Variants in ELAVL2 observed in about 807,000 individuals in gnomAD.
The protein encoded by ELAVL2 is ELAV-like protein 2.
In ELAVL2, 4 loss-of-function variants were observed where a neutral mutation model predicts 34.6. The observed-to-expected ratio is 0.12, with a 90% CI of 0.06 to 0.26. The LOEUF (loss-of-function observed/expected upper bound fraction) is 0.26, where lower values mean the gene tolerates loss of function less well. Among genes scored for constraint, ELAVL2 ranks in the 10% least tolerant of loss-of-function variants. ELAVL2 has a pLI of 1.00. For synonymous variants in ELAVL2, 193 were observed against 154.8 expected (o/e 1.25, Z -1.83); for missense variants, 432 against 442.8 (o/e 0.98, Z 0.22).
At chr9:23,791,243 G>A (rs759735626) in intron 1 of ELAVL2, among the ~76,000 whole-genome samples, 7 of 152,180 alleles carry the variant, frequency 4.6e-5, no homozygotes, top group Admixed American at 2.6e-4. Context: ...AATGCTAATC[G>A]CAGGGGTGGG....
At chr9:23,786,510 TA>T (rs11410592) in intron 1 of ELAVL2, among the ~76,000 whole-genome samples, 19 of 148,866 alleles carry the variant, frequency 1.3e-4, no homozygotes, top group African/African-American at 1.7e-4. Context: ...TTTCACACTT[TA>T]AAAAAAAAAT....
At chr9:23,823,353 C>T (rs548226410) in intron 1 of ELAVL2, among the ~76,000 whole-genome samples, 10 of 152,308 alleles carry the variant, frequency 6.6e-5, no homozygotes, top group East Asian at 3.9e-4. Context: ...TCTTAGAATG[C>T]CCTACGCCCT....
chr9:23,768,180 C>G (rs542621998), intron 1 of ELAVL2, among the ~76,000 whole-genome samples: 2 of 152,302 alleles, frequency 1.3e-5, no homozygotes, highest in African/African-American at 4.8e-5. Context: ...AAATCCTGTA[C>G]AACTACTTTT....
chr9:23,723,861 G>C (rs1232942631), intron 3 of ELAVL2, among the ~76,000 whole-genome samples: 1 of 152,080 alleles, frequency 6.6e-6, no homozygotes, highest in East Asian at 1.9e-4. Flanking sequence ...CCCACCACAT[G>C]CCCCTTTCAA....
At chr9:23,819,210 T>C (rs1269908314) in intron 1 of ELAVL2, among the ~76,000 whole-genome samples, 2 of 152,184 alleles carry the variant, frequency 1.3e-5, no homozygotes, top group African/African-American at 2.4e-5. Context: ...CAAGGAATGA[T>C]GGTATATGAC....
At chr9:23,722,017 T>C (rs1402212856) in intron 3 of ELAVL2, among the ~76,000 whole-genome samples, 3 of 152,192 alleles carry the variant, frequency 2.0e-5, no homozygotes, top group Non-Finnish European at 4.4e-5. Context: ...GTGTCAACTG[T>C]ACAGCTCTGT....
chr9:23,765,005 A>G, intron 1 of ELAVL2: 1 of 1,609,438 alleles, frequency 6.2e-7, no homozygotes, highest in Non-Finnish European at 8.5e-7. Flanking sequence ...AAAATCCCAC[A>G]GACCCCGGTC....
intron 1 of ELAVL2, among the ~76,000 whole-genome samples, chr9:23,797,302 C>T (rs558970843): frequency 5.3e-5 from 8 of 152,308 alleles, no homozygotes; most frequent in South Asian, 4.1e-4. Context: ...AAAAACAGCA[C>T]GGCTTTCTAA....
chr9:23,731,926 C>G (rs1289308770), intron 2 of ELAVL2, among the ~76,000 whole-genome samples: 1 of 152,112 alleles, frequency 6.6e-6, no homozygotes, highest in Admixed American at 6.6e-5. Flanking sequence ...TCACTGATGC[C>G]CTAGATCTCA....
intron 1 of ELAVL2, among the ~76,000 whole-genome samples, chr9:23,790,364 C>T (rs763196621): frequency 3.3e-5 from 5 of 152,188 alleles, no homozygotes; most frequent in South Asian, 2.1e-4. Context: ...CCCCAATACC[C>T]GCTTTCCCAG....
Position 23,692,337 on chromosome 9 carries a change from C to T in ELAVL2, c.*220G>A, listed in dbSNP as rs2033422695. The T allele has an allele frequency of 1.9e-6, 1 of 534,740 alleles. No homozygotes were observed. Among genetic ancestry groups the T allele is most frequent in the Non-Finnish European group, 3.2e-6 (1 of 309,884 alleles). 33.1% of individuals were successfully genotyped at this position (534,740 alleles called of 1,614,324 possible). A position where few individuals can be genotyped will look rare whatever the true frequency, so the allele number is the denominator to read the frequency against. On this transcript the variant is annotated 3_prime_UTR_variant, in exon 7 of 7. Transcript: ENST00000397312. Reference sequence around the variant, plus strand: ...AGAATGCAATGTGACAGGTAAAAACCCTGTACCTCTTGTCCATATTCAAAC... The same window carrying T: ...AGAATGCAATGTGACAGGTAAAAACTCTGTACCTCTTGTCCATATTCAAAC...
upstream of ELAVL2, among the ~76,000 whole-genome samples, chr9:23,827,098 G>A (rs957271561): frequency 6.6e-6 from 1 of 152,120 alleles, no homozygotes; most frequent in Non-Finnish European, 1.5e-5. Flanking sequence ...TTCACTTCGA[G>A]GTGTCTAATG....
At chr9:23,703,902 A>G (rs10966031) in intron 4 of ELAVL2, among the ~76,000 whole-genome samples, 31,382 of 151,972 alleles carry the variant, frequency 0.21, 3,947 homozygotes, top group African/African-American at 0.35. Context: ...TGTTTCCTAA[A>G]GAACAAGTAT....
the ELAVL2 span, among the ~76,000 whole-genome samples, chr9:23,835,738 A>G: frequency 6.6e-6 from 1 of 152,178 alleles, no homozygotes; most frequent in Non-Finnish European, 1.5e-5. Flanking sequence ...AGATGGAGCT[A>G]TAGCTGTGGT....
chr9:23,709,971 TAAAC>T (rs2133604047), intron 3 of ELAVL2, among the ~76,000 whole-genome samples: 1 of 151,928 alleles, frequency 6.6e-6, no homozygotes, highest in East Asian at 1.9e-4. Context: ...AGTGATATAA[TAAAC>T]AAAGACAAGC....
At chr9:23,815,925 A>G (rs1454325874) in intron 1 of ELAVL2, among the ~76,000 whole-genome samples, 1 of 152,190 alleles carries the variant, frequency 6.6e-6, no homozygotes, top group East Asian at 1.9e-4. Flanking sequence ...GTCATCCTTC[A>G]AAGAATGCTA....
intron 5 of ELAVL2, among the ~76,000 whole-genome samples, chr9:23,695,573 T>C (rs564026932): frequency 1.3e-5 from 2 of 152,272 alleles, no homozygotes; most frequent in East Asian, 1.9e-4. Flanking sequence ...TGTACGATCA[T>C]AGAATGCACT....
At chr9:23,704,642 TGAA>T (rs1196407849) in intron 4 of ELAVL2, among the ~76,000 whole-genome samples, 2 of 152,118 alleles carry the variant, frequency 1.3e-5, no homozygotes, top group Non-Finnish European at 2.9e-5. Flanking sequence ...GGCTTGGAAA[TGAA>T]GATTATAGCA....
At position 23,713,887 on chromosome 9, in the gene ELAVL2, G is replaced by C. The variant is rs1379409472; in HGVS notation, c.334-8816C>G. 5.3e-5 allele frequency among the ~76,000 whole-genome samples: 8 copies of C among 152,228 alleles called. 1 individual carries two copies. The highest frequency in any genetic ancestry group is 4.6e-4 in the Admixed American group (7 of 15,286). Reference sequence around the variant, plus strand: ...AAAACATATGGTATGGAGTCACACAGAGCTAGGTCCAGGTCTTGGCTCTGT... The same window carrying C: ...AAAACATATGGTATGGAGTCACACACAGCTAGGTCCAGGTCTTGGCTCTGT... On this transcript the variant is annotated intron_variant, in intron 3 of 6. Transcript: ENST00000397312.
Sources: gnomAD v4.1 joint callset for allele counts (sites outside exome capture counted in the v4.1 genomes callset) on GRCh38, gnomAD v4.1.1 for gene constraint, MANE v1.5 for transcripts, NCBI Gene and HGNC (gene_info 2026-07-23, HGNC 2026-07-21) for gene names.